The following XKR4 variants were observed in gnomAD, a reference collection of about 807,000 sequenced individuals.
XKR4 encodes XK-related protein 4.
A neutral mutation model predicts 53.9 loss-of-function variants in XKR4; 12 were observed. The observed-to-expected ratio is 0.22, with a 90% CI of 0.14 to 0.36. XKR4 has a LOEUF of 0.36. Among genes scored for constraint, XKR4 ranks in the 10% least tolerant of loss-of-function variants. The probability of loss-of-function intolerance (pLI) is 1.00; values close to 1 mark genes in which losing one functional copy is unlikely to be tolerated. For synonymous variants in XKR4, 354 were observed against 362.4 expected (o/e 0.98, Z 0.26); for missense variants, 799 against 859.5 (o/e 0.93, Z 0.88).
At chr8:55,278,854 A>G (rs1341660527) in intron 1 of XKR4, among the ~76,000 whole-genome samples, 1 of 152,198 alleles carries the variant, frequency 6.6e-6, no homozygotes, top group Admixed American at 6.5e-5. Context: ...TTAGTATTTC[A>G]AAGTCTTCTC....
At chr8:55,445,776 A>C (rs1237054847) in intron 2 of XKR4, among the ~76,000 whole-genome samples, 1 of 152,216 alleles carries the variant, frequency 6.6e-6, no homozygotes, top group East Asian at 1.9e-4. Context: ...TGAGAGAATG[A>C]GAAAAACAAT....
intron 1 of XKR4, among the ~76,000 whole-genome samples, chr8:55,137,744 AT>A (rs1415876518): frequency 2.0e-5 from 3 of 151,328 alleles, no homozygotes; most frequent in South Asian, 4.2e-4. Context: ...TTATTTATTT[AT>A]TTTTTTTGTA....
chr8:55,497,690 A>G (rs150229856), intron 2 of XKR4, among the ~76,000 whole-genome samples: 76 of 152,350 alleles, frequency 5.0e-4, no homozygotes, highest in African/African-American at 1.8e-3. Flanking sequence ...CAAATGTGCA[A>G]TGTATATTTC....
At chr8:55,211,403 C>A (rs1309486921) in intron 1 of XKR4, among the ~76,000 whole-genome samples, 1 of 152,194 alleles carries the variant, frequency 6.6e-6, no homozygotes, top group Non-Finnish European at 1.5e-5. Flanking sequence ...CCATTGCACA[C>A]ATCAAGATTT....
rs560748031 is a variant in XKR4 at position 55,227,480 on chromosome 8, C to T, written c.806+124186C>T. On this transcript the variant is annotated intron_variant, in intron 1 of 2. Transcript: ENST00000327381. ...CAGATGAGGAGGAGGAGGTGCTCAT[C>T]CAGCCTGAGGTTGAATCAATGCACC... Among the ~76,000 whole-genome samples the T allele has an allele frequency of 3.8e-4, 58 of 152,332 alleles. 1 individual carries two copies. The highest frequency in any genetic ancestry group is 2.5e-3 in the South Asian group (12 of 4,828).
At chr8:55,181,071 T>A (rs1051659155) in intron 1 of XKR4, among the ~76,000 whole-genome samples, 19 of 152,200 alleles carry the variant, frequency 1.2e-4, no homozygotes, top group Non-Finnish European at 2.5e-4. Context: ...CTTCTATGAA[T>A]AGATCCAAGC....
chr8:55,479,418 A>G (rs889374358), intron 2 of XKR4, among the ~76,000 whole-genome samples: 1 of 152,088 alleles, frequency 6.6e-6, no homozygotes, highest in African/African-American at 2.4e-5. Context: ...AGGGAAATTT[A>G]TAGCACTAAA....
At chr8:55,274,005 C>G (rs1017357984) in intron 1 of XKR4, among the ~76,000 whole-genome samples, 25 of 152,242 alleles carry the variant, frequency 1.6e-4, no homozygotes, top group African/African-American at 5.1e-4. Flanking sequence ...TGGAAGAATA[C>G]AGGAATGAGG....
chr8:55,452,405 G>A (rs1047507464), intron 2 of XKR4: 2 of 624,594 alleles, frequency 3.2e-6, no homozygotes, highest in Non-Finnish European at 2.9e-6. Context: ...GGAAGAGGGC[G>A]CCCTCAGCTG....
chr8:55,518,507 A>G (rs1163172514), intron 2 of XKR4, among the ~76,000 whole-genome samples: 2 of 152,230 alleles, frequency 1.3e-5, no homozygotes, highest in Non-Finnish European at 2.9e-5. Flanking sequence ...TGAGAAATAC[A>G]CTAATTAAAC....
intron 1 of XKR4, among the ~76,000 whole-genome samples, chr8:55,305,075 G>A (rs541582158): frequency 6.6e-6 from 1 of 152,122 alleles, no homozygotes; most frequent in Non-Finnish European, 1.5e-5. Context: ...ATTGGGCTCA[G>A]CCAGTGGCGA....
intron 2 of XKR4, among the ~76,000 whole-genome samples, chr8:55,516,878 T>A (rs1473438079): frequency 6.6e-6 from 1 of 152,128 alleles, no homozygotes; most frequent in African/African-American, 2.4e-5. Context: ...AGCCTAAGTG[T>A]CCATCAAAGG....
chr8:55,222,274 T>C (rs1175739713), intron 1 of XKR4, among the ~76,000 whole-genome samples: 1 of 152,254 alleles, frequency 6.6e-6, no homozygotes, highest in Non-Finnish European at 1.5e-5. Flanking sequence ...TTCTCTAATA[T>C]TTCTGCATTC....
chr8:55,353,902 A>G (rs952092591), intron 1 of XKR4, among the ~76,000 whole-genome samples: 2 of 152,226 alleles, frequency 1.3e-5, no homozygotes, highest in Non-Finnish European at 1.5e-5. Flanking sequence ...CTTAGAGTTC[A>G]TACAGAGCAG....
intron 2 of XKR4, among the ~76,000 whole-genome samples, chr8:55,418,597 G>A (rs1804882908): frequency 6.6e-6 from 1 of 152,144 alleles, no homozygotes; most frequent in South Asian, 2.1e-4. Flanking sequence ...TGTCCCCTCA[G>A]TCCATTTTCA....
In XKR4 at chr8:55,540,366, CAT is replaced by C. The variant is rs1204549179; in HGVS notation, c.*16142_*16143del. ...AGTTTACGTGTGTTAGTATTGCTGA[CAT>C]ATTATTATCATCACAAAATTCCTTT... On this transcript the variant is annotated 3_prime_UTR_variant, in exon 3 of 3. Transcript: ENST00000327381. 2.0e-5 allele frequency: 3 copies of C among 152,134 alleles called. No homozygotes were observed. Among genetic ancestry groups the C allele is most frequent in the Non-Finnish European group, 4.4e-5 (3 of 68,032 alleles). 9.4% of individuals were successfully genotyped at this position (152,134 alleles called of 1,614,324 possible). A position where few individuals can be genotyped will look rare whatever the true frequency, so the allele number is the denominator to read the frequency against.
intron 1 of XKR4, among the ~76,000 whole-genome samples, chr8:55,162,077 C>G (rs907271503): frequency 6.6e-6 from 1 of 152,206 alleles, no homozygotes; most frequent in Admixed American, 6.5e-5. Flanking sequence ...TCAAAGCTCA[C>G]CTTGATCACC....
chr8:55,368,357 C>G (rs1430993535), intron 2 of XKR4, among the ~76,000 whole-genome samples: 1 of 152,184 alleles, frequency 6.6e-6, no homozygotes, highest in African/African-American at 2.4e-5. Flanking sequence ...TGTGACAAGG[C>G]CCCTGCTGTG....
At chr8:55,376,073 G>C (rs1256618799) in intron 2 of XKR4, among the ~76,000 whole-genome samples, 1 of 152,070 alleles carries the variant, frequency 6.6e-6, no homozygotes. Flanking sequence ...TCCTTTTTAT[G>C]GCTGCATAGT....
Sources: gnomAD v4.1 joint callset for allele counts (sites outside exome capture counted in the v4.1 genomes callset) on GRCh38, gnomAD v4.1.1 for gene constraint, MANE v1.5 for transcripts, NCBI Gene and HGNC (gene_info 2026-07-23, HGNC 2026-07-21) for gene names.